Variants in TENT5C observed in about 807,000 individuals in gnomAD.
The protein encoded by TENT5C is family with sequence similarity 46 member C.
A neutral mutation model predicts 22.2 loss-of-function variants in TENT5C; 5 were observed. The ratio of observed to expected loss-of-function variants is 0.22; its 90% CI spans 0.12 to 0.47. The LOEUF (loss-of-function observed/expected upper bound fraction) is 0.47, where lower values mean the gene tolerates loss of function less well. Among genes scored for constraint, TENT5C ranks in the 20% least tolerant of loss-of-function variants. The probability of loss-of-function intolerance (pLI) is 0.99; values close to 1 mark genes in which losing one functional copy is unlikely to be tolerated. For synonymous variants in TENT5C, 199 were observed against 195.4 expected, an observed-to-expected ratio of 1.02 and a Z score of -0.15; for missense variants, 364 against 500.9, an observed-to-expected ratio of 0.73 and a Z score of 2.61.
intron 1 of TENT5C, among the ~76,000 whole-genome samples, chr1:117,607,444 A>G (rs1263851381): frequency 6.6e-6 from 1 of 152,344 alleles, no homozygotes; most frequent in East Asian, 1.9e-4. Flanking sequence ...GCTTTTATAA[A>G]TACTATGTGC....
intron 1 of TENT5C, among the ~76,000 whole-genome samples, chr1:117,608,630 AC>A (rs1653598205): frequency 6.6e-6 from 1 of 152,166 alleles, no homozygotes; most frequent in African/African-American, 2.4e-5. Flanking sequence ...CATTTAAAAA[AC>A]TTTTTTTGTT....
At chr1:117,614,675 AC>A (rs1437392930) in intron 1 of TENT5C, among the ~76,000 whole-genome samples, 1 of 152,172 alleles carries the variant, frequency 6.6e-6, no homozygotes, top group African/African-American at 2.4e-5. Flanking sequence ...CAGCCTATCA[AC>A]ACTCTGATCT....
chr1:117,614,518 C>T (rs1382499985), intron 1 of TENT5C, among the ~76,000 whole-genome samples: 2 of 152,188 alleles, frequency 1.3e-5, no homozygotes, highest in African/African-American at 2.4e-5. Flanking sequence ...TGTTCCAGCT[C>T]TCCTTCCTGG....
At position 117,627,669 on chromosome 1, in the gene TENT5C, C is replaced by G. The variant is rs2101082758; in HGVS notation, c.*3625C>G. On this transcript the variant is annotated 3_prime_UTR_variant, in exon 2 of 2. Coordinates refer to ENST00000369448, the MANE Select transcript of TENT5C (RefSeq NM_017709.4). ...GGTTAGATTCACATCCTTAATCTTG[C>G]AGAGACTAGAATTTCACAGCTCGCT... The G allele has an allele frequency of 4.0e-6, 1 of 248,050 alleles. No homozygotes were observed. Among genetic ancestry groups the G allele is most frequent in the South Asian group, 1.8e-4 (1 of 5,514 alleles). The allele number at this position is 248,050 out of a possible 1,614,324, so 15.4% of individuals were successfully genotyped here.
At position 117,627,581 on chromosome 1, in the gene TENT5C, C is replaced by T. The variant is rs377332001; in HGVS notation, c.*3537C>T. 8.9e-5 allele frequency: 22 copies of T among 248,062 alleles called. No individual in the cohort carries two copies. The highest frequency in any genetic ancestry group is 7.2e-4 in the East Asian group (12 of 16,590). 15.4% of individuals were successfully genotyped at this position (248,062 alleles called of 1,614,324 possible). On this transcript the variant is annotated 3_prime_UTR_variant, in exon 2 of 2. Coordinates refer to ENST00000369448, the MANE Select transcript of TENT5C (RefSeq NM_017709.4). ...ATAGAGGCCATTCCTTCCTGGGTGT[C>T]GGACCAGGGCTCTGTGTCAGGGAAA...
Position 117,623,042 on chromosome 1 carries a change from G to A in TENT5C, c.174G>A (p.Arg58=). The change falls in exon 2 of 2, where the codon CGG becomes CGA. Residue 58 remains arginine, a synonymous_variant. Coordinates refer to ENST00000369448, the MANE Select transcript of TENT5C (RefSeq NM_017709.4). ...LKDIVQTVRS[R]LEEAGIKVHD... is the part of the protein sequence containing the mutation. ...ACATCGTCCAGACCGTCCGCAGTCG[G>A]CTGGAGGAGGCAGGCATCAAAGTGC... 1 of 1,614,216 alleles carries A rather than the reference G, an allele frequency of 6.2e-7. No individual in the cohort carries two copies. The highest frequency in any genetic ancestry group is 8.5e-7 in the Non-Finnish European group (1 of 1,180,032).
At chr1:117,622,372 ATATTCTGTGTATGAATGT>A (rs1653912514) in intron 1 of TENT5C, among the ~76,000 whole-genome samples, 1 of 150,914 alleles carries the variant, frequency 6.6e-6, no homozygotes, top group Non-Finnish European at 1.5e-5. Context: ...TGTGTGTTGT[ATATTCTGTGTATGAATGT>A]TGTAGCCTAG....
chr1:117,623,903 C>T lies in TENT5C; in HGVS notation c.1035C>T (p.Asn345=), dbSNP rs1313983380. 4 of 1,614,014 alleles carry T rather than the reference C, an allele frequency of 2.5e-6. No individual in the cohort carries two copies. The African/African-American group carries it at 5.3e-5, about 22-fold the overall frequency. The change falls in exon 2 of 2, where the codon AAC becomes AAT. Residue 345 remains asparagine, a synonymous_variant. Coordinates refer to ENST00000369448, the MANE Select transcript of TENT5C (RefSeq NM_017709.4). The part of the protein sequence containing the change: ...LLALRVLAEQ[N]IIPSATNVTC... ...CCTTGCGTGTGCTGGCGGAACAAAA[C>T]ATCATCCCCAGTGCCACCAACGTCA...
chr1:117,610,197 G>A (rs571895255), intron 1 of TENT5C, among the ~76,000 whole-genome samples: 8 of 152,128 alleles, frequency 5.3e-5, no homozygotes, highest in South Asian at 2.1e-4. Flanking sequence ...AAGTGAGTCC[G>A]CCTCCCCTGC....
chr1:117,622,508 C>T (rs1216270395), intron 1 of TENT5C, among the ~76,000 whole-genome samples: 1 of 152,176 alleles, frequency 6.6e-6, no homozygotes. Flanking sequence ...ACTAATTCTA[C>T]TGCGGTCCTA....
intron 1 of TENT5C, among the ~76,000 whole-genome samples, chr1:117,615,412 G>T (rs1413784529): frequency 6.6e-6 from 1 of 152,270 alleles, no homozygotes; most frequent in Non-Finnish European, 1.5e-5. Context: ...CCATCTGTAA[G>T]TGGGGGAGTA....
At chr1:117,607,391 G>T (rs551795055) in intron 1 of TENT5C, among the ~76,000 whole-genome samples, 1 of 152,188 alleles carries the variant, frequency 6.6e-6, no homozygotes, top group East Asian at 1.9e-4. Flanking sequence ...GAGATATAAA[G>T]TGCATACAAA....
intron 1 of TENT5C, among the ~76,000 whole-genome samples, chr1:117,611,329 A>G (rs1653668105): frequency 6.6e-6 from 1 of 152,238 alleles, no homozygotes; most frequent in Non-Finnish European, 1.5e-5. Context: ...CACCGCTGCT[A>G]TCTCCTGTGC....
At chr1:117,613,976 GC>G (rs1653723426) in intron 1 of TENT5C, among the ~76,000 whole-genome samples, 1 of 152,160 alleles carries the variant, frequency 6.6e-6, no homozygotes, top group African/African-American at 2.4e-5. Context: ...TATTTTATTG[GC>G]CTTTTAAAAA....
chr1:117,623,512 T>C lies in TENT5C; in HGVS notation c.644T>C (p.Met215Thr), dbSNP rs1442073130. 6.2e-7 allele frequency: 1 copy of C among 1,613,988 alleles called. No homozygotes were observed. Residue 215 changes from methionine (M) to threonine (T), a missense_variant, in exon 2 of 2, where the codon ATG (methionine) becomes ACG (threonine). Met to Thr is a moderately conservative substitution (Grantham distance 81). This residue lies in a region of TENT5C where 303 missense variants were observed against 394.5 expected (regional missense o/e 0.77). Coordinates refer to ENST00000369448, the MANE Select transcript of TENT5C (RefSeq NM_017709.4). Reference protein sequence around the residue: ...HFHPTVIGESMYGDFEEAFDH... With the variant: ...HFHPTVIGESTYGDFEEAFDH... ...CACCCCACCGTGATTGGGGAGAGCATGTACGGGGACTTTGAGGAAGCTTTT... is the reference window on the plus strand; with the variant it reads ...CACCCCACCGTGATTGGGGAGAGCACGTACGGGGACTTTGAGGAAGCTTTT...
rs1435352017 is a variant in TENT5C at position 117,626,016 on chromosome 1, G to C, written c.*1972G>C. The C allele has an allele frequency of 4.0e-6, 1 of 247,890 alleles. No individual in the cohort carries two copies. 15.4% of individuals were successfully genotyped at this position (247,890 alleles called of 1,614,324 possible). ...AATGAAGAGTGAACCCCAATGAAGA[G>C]TGATCCCAACTTTGGAAACTATCTG... On this transcript the variant is annotated 3_prime_UTR_variant, in exon 2 of 2. Coordinates refer to ENST00000369448, the MANE Select transcript of TENT5C (RefSeq NM_017709.4).
At position 117,627,898 on chromosome 1, in the gene TENT5C, C is replaced by T. The variant is rs1243776660; in HGVS notation, c.*3854C>T. The T allele has an allele frequency of 4.0e-6, 1 of 247,202 alleles. No homozygotes were observed. The highest frequency in any genetic ancestry group is 6.0e-5 in the East Asian group (1 of 16,590). 15.3% of individuals were successfully genotyped at this position (247,202 alleles called of 1,614,324 possible). A position where few individuals can be genotyped will look rare whatever the true frequency, so the allele number is the denominator to read the frequency against. Reference sequence around the variant, plus strand: ...TGTTCAAGTGCCTAAATCTTGTTTACCTATCACTTTAAAAAAATAATTGAA... The same window carrying T: ...TGTTCAAGTGCCTAAATCTTGTTTATCTATCACTTTAAAAAAATAATTGAA... On this transcript the variant is annotated 3_prime_UTR_variant, in exon 2 of 2. Transcript: ENST00000369448.
At chr1:117,622,160 G>A (rs1653906809) in intron 1 of TENT5C, among the ~76,000 whole-genome samples, 1 of 152,162 alleles carries the variant, frequency 6.6e-6, no homozygotes, top group African/African-American at 2.4e-5. Context: ...TAGATGACAA[G>A]TACTTGTTAG....
chr1:117,624,071 G>A lies in TENT5C; in HGVS notation c.*27G>A. On this transcript the variant is annotated 3_prime_UTR_variant, in exon 2 of 2. Transcript: ENST00000369448. ...CTTGAGACCTGAGGGTTTCCACAGTGGGAACCCCAATAGGGCTAGGGCTCT... is the reference window on the plus strand; with the variant it reads ...CTTGAGACCTGAGGGTTTCCACAGTAGGAACCCCAATAGGGCTAGGGCTCT... 6.3e-7 allele frequency: 1 copy of A among 1,581,116 alleles called. No homozygotes were observed. The highest frequency in any genetic ancestry group is 8.6e-7 in the Non-Finnish European group (1 of 1,160,640).
Sources: allele counts gnomAD v4.1 joint callset (sites outside exome capture counted in the v4.1 genomes callset), GRCh38; gene constraint gnomAD v4.1.1; regional missense constraint gnomAD v4.1.1; transcripts MANE v1.5; gene names NCBI Gene and HGNC (gene_info 2026-07-23, HGNC 2026-07-21).